Variants in TENT4B observed in about 807,000 individuals in gnomAD.
The protein encoded by TENT4B is terminal nucleotidyltransferase 4B, also known as PAP associated domain containing 5.
In TENT4B, 10 loss-of-function variants were observed where a neutral mutation model predicts 75.0. The ratio of observed to expected loss-of-function variants is 0.13; its 90% CI spans 0.08 to 0.23. The LOEUF (loss-of-function observed/expected upper bound fraction) is 0.23, where lower values mean the gene tolerates loss of function less well. TENT4B is among the 10% of genes least tolerant of loss of function. The probability of loss-of-function intolerance (pLI) is 1.00; values close to 1 mark genes in which losing one functional copy is unlikely to be tolerated. For synonymous variants in TENT4B, 350 were observed against 357.7 expected, an observed-to-expected ratio of 0.98 and a Z score of 0.24; for missense variants, 579 against 893.8, an observed-to-expected ratio of 0.65 and a Z score of 4.49.
intron 1 of TENT4B, among the ~76,000 whole-genome samples, chr16:50,163,335 G>A (rs887015110): frequency 6.6e-6 from 1 of 151,542 alleles, no homozygotes; most frequent in African/African-American, 2.4e-5. Context: ...TTTGTTTGGG[G>A]TGTTTATACT....
rs1206882534 is a variant in TENT4B at position 50,230,781 on chromosome 16, CAGTT to C, written c.*1454_*1457del. ...ATCATTACCTGTTGAGTTTGAAACT[CAGTT>C]GGGAATATTTAATATAATAGAATGT... On this transcript the variant is annotated 3_prime_UTR_variant, in exon 12 of 12. Transcript: ENST00000561678. The C allele has an allele frequency of 3.0e-6, 3 of 985,530 alleles. No homozygotes were observed. In the African/African-American group the frequency reaches 5.2e-5, roughly 17 times the overall value. The allele number at this position is 985,530 out of a possible 1,614,324, so 61.0% of individuals were successfully genotyped here.
intron 1 of TENT4B, among the ~76,000 whole-genome samples, chr16:50,154,759 T>A (rs1292582853): frequency 1.3e-5 from 2 of 152,070 alleles, no homozygotes; most frequent in Non-Finnish European, 2.9e-5. Context: ...AATAGAAACA[T>A]CCAGAATGCT....
chr16:50,161,459 C>T (rs2038001328), intron 1 of TENT4B, among the ~76,000 whole-genome samples: 1 of 152,156 alleles, frequency 6.6e-6, no homozygotes, highest in Non-Finnish European at 1.5e-5. Flanking sequence ...TTAAGGAATT[C>T]TAGCTCAAGT....
At chr16:50,158,017 C>T (rs776365459) in intron 1 of TENT4B, among the ~76,000 whole-genome samples, 5 of 151,016 alleles carry the variant, frequency 3.3e-5, no homozygotes, top group African/African-American at 9.8e-5. Flanking sequence ...CTCCCGCCTC[C>T]GCCTAGCAAA....
rs565322494 is a variant in TENT4B at position 50,207,322 on chromosome 16, C to T, written c.639-4001C>T. ...TTAGCCTCTTGAGTAGCTGGGATTA[C>T]AGGCGTGCACCATCACGCCTGGCTA... On this transcript the variant is annotated intron_variant, in intron 1 of 11. Coordinates refer to ENST00000561678, the MANE Select transcript of TENT4B (RefSeq NM_001365324.3). Among the ~76,000 whole-genome samples, 8 of 152,136 alleles carry T rather than the reference C, an allele frequency of 5.3e-5. No homozygotes were observed. The South Asian group carries it at 1.7e-3, about 32-fold the overall frequency.
rs774084083 is a variant in TENT4B at position 50,193,331 on chromosome 16, G to GTTTTT, written c.639-17974_639-17970dup. On this transcript the variant is annotated intron_variant, in intron 1 of 11. Coordinates refer to ENST00000561678, the MANE Select transcript of TENT4B (RefSeq NM_001365324.3). ...TGGGCCCATAGCAGCAGTTCCTGGA[G>GTTTTT]TTTTTTTTTTTTTTTTTTTTTTGTG... 6.3e-4 allele frequency among the ~76,000 whole-genome samples: 64 copies of GTTTTT among 101,476 alleles called. 1 individual carries two copies. The highest frequency in any genetic ancestry group is 8.9e-4 in the Non-Finnish European group (47 of 52,584). 66.6% of individuals were successfully genotyped at this position (101,476 alleles called of 152,430 possible). A position where few individuals can be genotyped will look rare whatever the true frequency, so the allele number is the denominator to read the frequency against.
chr16:50,218,079 C>T (rs971426977), intron 5 of TENT4B, among the ~76,000 whole-genome samples: 5 of 151,712 alleles, frequency 3.3e-5, no homozygotes, highest in South Asian at 2.1e-4. Context: ...TTGTATGCAA[C>T]GGTTTTGCTT....
At chr16:50,164,642 C>T (rs2038065338) in intron 1 of TENT4B, among the ~76,000 whole-genome samples, 1 of 152,048 alleles carries the variant, frequency 6.6e-6, no homozygotes, top group Non-Finnish European at 1.5e-5. Flanking sequence ...TATTCTCTTA[C>T]AGTCGAGGCC....
chr16:50,161,835 T>TTG (rs370864909), intron 1 of TENT4B, among the ~76,000 whole-genome samples: 22 of 152,040 alleles, frequency 1.4e-4, no homozygotes, highest in South Asian at 8.3e-4. Context: ...TCACATGTAT[T>TTG]TGTGTGTGTG....
intron 2 of TENT4B, among the ~76,000 whole-genome samples, chr16:50,212,206 G>A (rs906618857): frequency 2.6e-5 from 4 of 152,064 alleles, no homozygotes; most frequent in Non-Finnish European, 5.9e-5. Flanking sequence ...GCAGGTGCAC[G>A]CCACCACACT....
rs562860049 is a variant in TENT4B, at chr16:50,180,146, C to G, written c.638+25887C>G. On this transcript the variant is annotated intron_variant, in intron 1 of 11. Transcript: ENST00000561678. ...TGAGATGGCGTCTCGCTCTTTTGCCCAGGCTGGAGTGCAATGGTGCGATCT... is the reference window on the plus strand; with the variant it reads ...TGAGATGGCGTCTCGCTCTTTTGCCGAGGCTGGAGTGCAATGGTGCGATCT... 3.3e-5 allele frequency among the ~76,000 whole-genome samples: 5 copies of G among 151,904 alleles called. No homozygotes were observed. The East Asian group carries it at 9.7e-4, about 29-fold the overall frequency.
In TENT4B at chr16:50,230,031, G is replaced by T. The variant is rs9931139; in HGVS notation, c.*703G>T. On this transcript the variant is annotated 3_prime_UTR_variant, in exon 12 of 12. Coordinates refer to ENST00000561678, the MANE Select transcript of TENT4B (RefSeq NM_001365324.3). ...AATTTGTTTTTCTCAGCATTGAAAT[G>T]ACTTAATAGAACCCTTGTGTCCTGC... is the stretch of plus-strand genomic sequence containing the variant. 41,010 of 983,412 alleles carry T rather than the reference G, an allele frequency of 0.042. 1,254 individuals are homozygous for T. Among genetic ancestry groups the T allele is most frequent in the African/African-American group, 0.14 (7,864 of 57,072 alleles). The allele number at this position is 983,412 out of a possible 1,614,324, so 60.9% of individuals were successfully genotyped here. A position where few individuals can be genotyped will look rare whatever the true frequency, so the allele number is the denominator to read the frequency against.
At chr16:50,167,398 ACTTT>A (rs1013586697) in intron 1 of TENT4B, among the ~76,000 whole-genome samples, 1 of 137,692 alleles carries the variant, frequency 7.3e-6, no homozygotes, top group African/African-American at 2.9e-5. Context: ...TTTTTTTTTT[ACTTT>A]CTTTTAGGTT....
At chr16:50,204,425 A>G (rs79708941) in intron 1 of TENT4B, among the ~76,000 whole-genome samples, 13 of 152,310 alleles carry the variant, frequency 8.5e-5, no homozygotes, top group Non-Finnish European at 1.8e-4. Flanking sequence ...CTCAGGGAAG[A>G]AAACACAGGA....
intron 1 of TENT4B, among the ~76,000 whole-genome samples, chr16:50,202,248 C>CT: frequency 6.6e-6 from 1 of 152,090 alleles, no homozygotes; most frequent in Non-Finnish European, 1.5e-5. Flanking sequence ...TTCTGTGCTT[C>CT]TTTTACCTGT....
rs148191481 is a variant in TENT4B, at chr16:50,169,083, A to G, written c.638+14824A>G. 3.6e-4 allele frequency among the ~76,000 whole-genome samples: 55 copies of G among 152,280 alleles called. No individual in the cohort carries two copies. The East Asian group carries it at 9.1e-3, about 25-fold the overall frequency. On this transcript the variant is annotated intron_variant, in intron 1 of 11. Coordinates refer to ENST00000561678, the MANE Select transcript of TENT4B (RefSeq NM_001365324.3). ...ATTCATTTGCCGTATCAAATATCCA[A>G]TGTTCATATTTCCTCCATTGTCCCA...
chr16:50,207,511 A>T (rs1366732613), intron 1 of TENT4B, among the ~76,000 whole-genome samples: 1 of 152,166 alleles, frequency 6.6e-6, no homozygotes, highest in Non-Finnish European at 1.5e-5. Flanking sequence ...AAAAACATTG[A>T]TATCCTAGAG....
In TENT4B at chr16:50,234,821, T is replaced by C. The variant is rs891802140; in HGVS notation, c.*5493T>C. ...TATAAAGTGTGAAGGACTGTTGAGTTAAACATTTTTAGTGGAATATACATA... is the reference window on the plus strand; with the variant it reads ...TATAAAGTGTGAAGGACTGTTGAGTCAAACATTTTTAGTGGAATATACATA... On this transcript the variant is annotated 3_prime_UTR_variant, in exon 12 of 12. Transcript: ENST00000561678. 1.1e-5 allele frequency: 11 copies of C among 985,558 alleles called. No individual in the cohort carries two copies. The highest frequency in any genetic ancestry group is 1.3e-5 in the Non-Finnish European group (11 of 829,946). The allele number at this position is 985,558 out of a possible 1,614,324, so 61.1% of individuals were successfully genotyped here.
In TENT4B at chr16:50,154,111, GACA is replaced by G. The variant is rs1413915940; in HGVS notation, c.495_497del (p.Asn165del). The G allele has an allele frequency of 3.9e-6, 6 of 1,529,064 alleles. No homozygotes were observed. The highest frequency in any genetic ancestry group is 2.0e-5 in the Admixed American group (1 of 50,016). 94.7% of individuals were successfully genotyped at this position (1,529,064 alleles called of 1,614,324 possible). Reference sequence around the variant, plus strand: ...GGGCAGCAGCAACAAGAGGAAGCGCGACAACAAGGCCAGCACGTATGGACTCAA... The same window carrying G: ...GGGCAGCAGCAACAAGAGGAAGCGCGACAAGGCCAGCACGTATGGACTCAA... On this transcript the variant is annotated inframe_deletion, in exon 1 of 12. Transcript: ENST00000561678.
Sources: gnomAD v4.1 joint callset for allele counts (sites outside exome capture counted in the v4.1 genomes callset) on GRCh38, gnomAD v4.1.1 for gene constraint, MANE v1.5 for transcripts, NCBI Gene and HGNC (gene_info 2026-07-23, HGNC 2026-07-21) for gene names.